The following SLC24A1 variants were observed in gnomAD, a reference collection of about 807,000 sequenced individuals.
SLC24A1 encodes the protein sodium/potassium/calcium exchanger 1.
In SLC24A1, 52 loss-of-function variants were observed where a neutral mutation model predicts 88.1. That is an observed-to-expected ratio of 0.59 (90% CI 0.47 to 0.74). The LOEUF is 0.74. Among genes scored for constraint, SLC24A1 ranks in the 30% least tolerant of loss-of-function variants. The pLI is 0.00. For synonymous variants in SLC24A1, 455 were observed against 498.0 expected, an observed-to-expected ratio of 0.91 and a Z score of 1.15; for missense variants, 1,173 against 1,363.3, an observed-to-expected ratio of 0.86 and a Z score of 2.20.
At chr15:65,626,683 C>A (rs1264512723) in intron 2 of SLC24A1, among the ~76,000 whole-genome samples, 3 of 152,168 alleles carry the variant, frequency 2.0e-5, no homozygotes, top group Non-Finnish European at 4.4e-5. Context: ...CCAAGAACTT[C>A]TCTGCCCGCT....
chr15:65,652,608 T>C (rs1171729841), intron 8 of SLC24A1, 34 bp from the exon 9 acceptor site: 1 of 1,608,868 alleles, frequency 6.2e-7, no homozygotes, highest in Non-Finnish European at 8.5e-7. Flanking sequence ...TGCCTCAGGT[T>C]TTTCACCTAC....
In SLC24A1 at chr15:65,636,825, G is replaced by A. The variant is rs377036000; in HGVS notation, c.1891-1303G>A. Among the ~76,000 whole-genome samples, 210 of 151,498 alleles carry A rather than the reference G, an allele frequency of 1.4e-3. 2 individuals are homozygous for A. Among genetic ancestry groups the A allele is most frequent in the African/African-American group, 4.9e-3 (202 of 41,252 alleles). On this transcript the variant is annotated intron_variant, in intron 2 of 9. Coordinates refer to ENST00000261892, the MANE Select transcript of SLC24A1 (RefSeq NM_004727.3). ...CAGGAGGGGGAGGTTGCAGTGAGGC[G>A]ATATTGCACCACTGCACTCCAGCGC...
upstream of SLC24A1, chr15:65,618,993 C>T (rs1388581367): frequency 1.3e-5 from 2 of 152,230 alleles, no homozygotes; most frequent in Non-Finnish European, 2.9e-5. Context: ...ATGGTTCTAG[C>T]CACTGGCTTG....
chr15:65,648,591 C>G (rs1008965441), intron 6 of SLC24A1, among the ~76,000 whole-genome samples: 4 of 151,826 alleles, frequency 2.6e-5, no homozygotes, highest in African/African-American at 9.7e-5. Flanking sequence ...AAGCAATTCT[C>G]CAGCCTCAGC....
chr15:65,626,062 C>A, intron 2 of SLC24A1, 92 bp downstream of exon 2: 1 of 894,762 alleles, frequency 1.1e-6, no homozygotes, highest in Non-Finnish European at 1.9e-6. Flanking sequence ...TGGATCAGAC[C>A]TCAAGAGATG....
At chr15:65,659,753 A>T (rs2075798551), downstream of SLC24A1, 2 of 153,668 alleles carry the variant, frequency 1.3e-5, no homozygotes, top group Admixed American at 1.3e-4. Flanking sequence ...GATTAAAAGT[A>T]GGGGAAATAC....
chr15:65,660,602 T>TAG (rs2075819974), downstream of SLC24A1: 1 of 303,354 alleles, frequency 3.3e-6, no homozygotes, highest in African/African-American at 2.2e-5. Flanking sequence ...AGAAATAATA[T>TAG]GACTAAAAAT....
intron 2 of SLC24A1, among the ~76,000 whole-genome samples, chr15:65,630,447 A>C (rs2074677280): frequency 6.6e-6 from 1 of 152,054 alleles, no homozygotes; most frequent in South Asian, 2.1e-4. Context: ...CCTGCTTTGG[A>C]GGCAAGGGGC....
At chr15:65,646,842 G>A (rs777737485) in intron 6 of SLC24A1, among the ~76,000 whole-genome samples, 25 of 152,164 alleles carry the variant, frequency 1.6e-4, no homozygotes, top group Admixed American at 1.2e-3. Context: ...TGGGTTCAGC[G>A]TCTAAGACAG....
At chr15:65,627,134 G>C (rs2074546620) in intron 2 of SLC24A1, among the ~76,000 whole-genome samples, 1 of 152,182 alleles carries the variant, frequency 6.6e-6, no homozygotes. Flanking sequence ...ACTTCCTTTA[G>C]ACTTTTTAGA....
At position 65,650,212 on chromosome 15, in the gene SLC24A1, G is replaced by A. The variant is rs1297181287; in HGVS notation, c.2233-170G>A. Reference sequence around the variant, plus strand: ...TCAAATAAAAGCTGGACAGCCACTAGGTAGGAGTGTGGTCATGGGAATTCT... The same window carrying A: ...TCAAATAAAAGCTGGACAGCCACTAAGTAGGAGTGTGGTCATGGGAATTCT... On this transcript the variant is annotated intron_variant, in intron 6 of 9. Transcript: ENST00000261892. This position sits in a 1 kb window ranked among gnomAD's most constrained non-coding sequence, Gnocchi z 4.1. Among the ~76,000 whole-genome samples the A allele has an allele frequency of 6.6e-6, 1 of 152,210 alleles. No individual in the cohort carries two copies. Among genetic ancestry groups the A allele is most frequent in the Non-Finnish European group, 1.5e-5 (1 of 68,044 alleles).
In SLC24A1 at chr15:65,622,774, C is replaced by G. The variant is rs147246453; in HGVS notation, c.-127+682C>G. Among the ~76,000 whole-genome samples, 652 of 150,356 alleles carry G rather than the reference C, an allele frequency of 4.3e-3. 5 individuals carry two copies. The highest frequency in any genetic ancestry group is 0.01 in the Middle Eastern group (3 of 290). On this transcript the variant is annotated intron_variant, in intron 1 of 9. Transcript: ENST00000261892. ...TTTTTTTCTTTGAGACAGAGTCTTGCTCTGTTGCTCAGGCTGGAGTGCAAT... is the reference window on the plus strand; with the variant it reads ...TTTTTTTCTTTGAGACAGAGTCTTGGTCTGTTGCTCAGGCTGGAGTGCAAT...
At chr15:65,649,565 T>A (rs1348202947) in intron 6 of SLC24A1, among the ~76,000 whole-genome samples, 1 of 152,196 alleles carries the variant, frequency 6.6e-6, no homozygotes, top group Non-Finnish European at 1.5e-5. Flanking sequence ...ATGGGCAAGT[T>A]ACTTAGTTCC....
chr15:65,614,149 C>T (rs1021482486), intron 2 of SLC24A1, among the ~76,000 whole-genome samples: 4 of 152,190 alleles, frequency 2.6e-5, no homozygotes, highest in African/African-American at 4.8e-5. Flanking sequence ...TAATAAATCC[C>T]TGTGTGCCCT....
At chr15:65,632,446 G>A (rs1879567044) in intron 2 of SLC24A1, among the ~76,000 whole-genome samples, 2 of 152,162 alleles carry the variant, frequency 1.3e-5, no homozygotes, top group Admixed American at 1.3e-4. Flanking sequence ...CTTTGGAATA[G>A]TGAGTTTGGG....
chr15:65,616,441 T>G (rs2074147396), intron 2 of SLC24A1, among the ~76,000 whole-genome samples: 1 of 152,238 alleles, frequency 6.6e-6, no homozygotes, highest in Non-Finnish European at 1.5e-5. Flanking sequence ...TGAGATGGTA[T>G]CTCATTGTGG....
At position 65,643,541 on chromosome 15, in the gene SLC24A1, C is replaced by T. The variant is rs143623929; in HGVS notation, c.2054-886C>T. On this transcript the variant is annotated intron_variant, in intron 4 of 9. Transcript: ENST00000261892. ...TGTTCTTCACTTGCACCACTGCCTT[C>T]GCCCTCCCAGGCCACACAGCTGTGG... is the stretch of plus-strand genomic sequence containing the variant. Among the ~76,000 whole-genome samples, 974 of 152,316 alleles carry T rather than the reference C, an allele frequency of 6.4e-3. 9 individuals are homozygous for T. The highest frequency in any genetic ancestry group is 0.022 in the African/African-American group (935 of 41,560).
chr15:65,656,660 G>C (rs1464570798), downstream of SLC24A1, among the ~76,000 whole-genome samples: 1 of 152,162 alleles, frequency 6.6e-6, no homozygotes, highest in South Asian at 2.1e-4. Context: ...TGGAAAGTCT[G>C]AACTGTCCCA....
chr15:65,660,196 A>G (rs373372230), downstream of SLC24A1: 12 of 956,186 alleles, frequency 1.3e-5, no homozygotes, highest in African/African-American at 1.1e-4. Context: ...ATATGTGCCT[A>G]GCACCAGATT....
Sources: allele counts gnomAD v4.1 joint callset (sites outside exome capture counted in the v4.1 genomes callset), GRCh38; gene constraint gnomAD v4.1.1; non-coding constraint Gnocchi (gnomAD v3.1); transcripts MANE v1.5; gene names NCBI Gene and HGNC (gene_info 2026-07-23, HGNC 2026-07-21).